CBLN3: variants seen among roughly 807,000 people sequenced by gnomAD.
CBLN3 encodes cerebellin-3.
CBLN3 carries 14 observed loss-of-function variants against 17.4 expected under a neutral mutation model. The observed-to-expected ratio is 0.81, with a 90% CI of 0.53 to 1.26. The LOEUF (loss-of-function observed/expected upper bound fraction) is 1.26. CBLN3 is among the 50% of genes most tolerant of loss of function. The pLI is 0.00. For missense variants in CBLN3, 263 were observed against 268.5 expected (o/e 0.98, Z 0.14); for synonymous variants, 129 against 117.4 (o/e 1.10, Z -0.64).
Position 24,428,868 on chromosome 14 carries a change from C to T in CBLN3, c.187G>A (p.Ala63Thr). The T allele has an allele frequency of 6.2e-7, 1 of 1,608,258 alleles. No individual in the cohort carries two copies. The highest frequency in any genetic ancestry group is 8.5e-7 in the Non-Finnish European group (1 of 1,177,504). The part of the protein sequence containing the change: ...RAAAGGPGGA[A>T]LGEAPPGRVA... ...CGCCCAGGGGGTGCCTCTCCCAGGG[C>T]TGCTCCCCCGGGCCCCCCTGCAGCA... Residue 63 changes from alanine (A) to threonine (T), a missense_variant, in exon 1 of 3, where the codon GCC becomes ACC. Transcript: ENST00000267406.
chr14:24,429,545 G>A lies in CBLN3; in HGVS notation c.-491C>T, dbSNP rs2273629. On this transcript the variant is annotated 5_prime_UTR_variant, in exon 1 of 3. The change creates a new upstream start codon in the 5' untranslated region. Transcript: ENST00000267406. ...CAGCCCTTCTTCGTGGCATCTTTCC[G>A]TTTGTTGGAAGAAAGGGGTACTCCA... is the stretch of plus-strand genomic sequence containing the variant. The A allele has an allele frequency of 0.71, 327,637 of 458,978 alleles. 117,892 individuals carry two copies. The highest frequency in any genetic ancestry group is 0.78 in the Admixed American group (28,191 of 36,090). 28.4% of individuals were successfully genotyped at this position (458,978 alleles called of 1,614,324 possible).
Position 24,429,194 on chromosome 14 carries a change from TC to T in CBLN3, c.-141del. On this transcript the variant is annotated 5_prime_UTR_variant, in exon 1 of 3. The change creates a premature stop within an existing upstream ORF in the 5' untranslated region. Coordinates refer to ENST00000267406, the MANE Select transcript of CBLN3 (RefSeq NM_001039771.3). ...GCTGAACCCCCTCTCCATACCTGTGTCCCAGCTCTGTCCTGCCTCCCACTCT... is the reference window on the plus strand; with the variant it reads ...GCTGAACCCCCTCTCCATACCTGTGTCCAGCTCTGTCCTGCCTCCCACTCT... 1 of 859,196 alleles carries T rather than the reference TC, an allele frequency of 1.2e-6. No homozygotes were observed. Among genetic ancestry groups the T allele is most frequent in the Non-Finnish European group, 1.8e-6 (1 of 562,580 alleles). The allele number at this position is 859,196 out of a possible 1,614,324, so 53.2% of individuals were successfully genotyped here. A position where few individuals can be genotyped will look rare whatever the true frequency, so the allele number is the denominator to read the frequency against.
rs762502274 is a variant in CBLN3, at chr14:24,429,014, T to G, written c.41A>C (p.His14Pro). 2.3e-5 allele frequency: 36 copies of G among 1,535,446 alleles called. No individual in the cohort carries two copies. The highest frequency in any genetic ancestry group is 3.0e-5 in the Non-Finnish European group (34 of 1,137,398). The change falls in exon 1 of 3, where the codon CAC becomes CCC. Residue 14 changes from histidine to proline, a missense_variant. His to Pro is a moderately conservative substitution (Grantham distance 77). Transcript: ENST00000267406. Reference protein sequence around the residue: ...AKPHWLPGPLHSPGLPLVLVL... With the variant: ...AKPHWLPGPLPSPGLPLVLVL... ...CAGAACCAAGGGCAGCCCGGGACTG[T>G]GTAGGGGACCTGGTAGCCAGTGTGG...
intron 2 of CBLN3, 51 bp from the exon 3 acceptor site, chr14:24,428,037 C>G (rs965221257): frequency 6.5e-7 from 1 of 1,549,548 alleles, no homozygotes; most frequent in South Asian, 1.1e-5. Context: ...TAGCTCAGGA[C>G]CCCCCACTTT....
Position 24,429,571 on chromosome 14 carries a change from C to A in CBLN3, c.-517G>T, listed in dbSNP as rs1210440967. ...TTTGTTGGAAGAAAGGGGTACTCCA[C>A]CACGGGTACCCTCCGCCTCCCGCCT... On this transcript the variant is annotated 5_prime_UTR_variant, in exon 1 of 3. Coordinates refer to ENST00000267406, the MANE Select transcript of CBLN3 (RefSeq NM_001039771.3). The A allele has an allele frequency of 5.5e-6, 3 of 547,596 alleles. No homozygotes were observed. The highest frequency in any genetic ancestry group is 3.3e-5 in the Admixed American group (1 of 30,154). The allele number at this position is 547,596 out of a possible 1,614,324, so 33.9% of individuals were successfully genotyped here.
chr14:24,429,569 C>T lies in CBLN3; in HGVS notation c.-515G>A, dbSNP rs2043066226. The T allele has an allele frequency of 1.9e-6, 1 of 534,254 alleles. No homozygotes were observed. Among genetic ancestry groups the T allele is most frequent in the Non-Finnish European group, 3.0e-6 (1 of 334,578 alleles). 33.1% of individuals were successfully genotyped at this position (534,254 alleles called of 1,614,324 possible). Reference sequence around the variant, plus strand: ...CGTTTGTTGGAAGAAAGGGGTACTCCACCACGGGTACCCTCCGCCTCCCGC... The same window carrying T: ...CGTTTGTTGGAAGAAAGGGGTACTCTACCACGGGTACCCTCCGCCTCCCGC... On this transcript the variant is annotated 5_prime_UTR_variant, in exon 1 of 3. Coordinates refer to ENST00000267406, the MANE Select transcript of CBLN3 (RefSeq NM_001039771.3).
chr14:24,428,145 T>C, intron 2 of CBLN3, 141 bp downstream of exon 2: 1 of 1,354,652 alleles, frequency 7.4e-7, no homozygotes, highest in Non-Finnish European at 1.0e-6. Context: ...CCACACTCAA[T>C]GCAAGGCAGG....
Position 24,427,656 on chromosome 14 carries a change from C to T in CBLN3, c.*133G>A. 1.2e-6 allele frequency: 1 copy of T among 841,220 alleles called. No individual in the cohort carries two copies. The highest frequency in any genetic ancestry group is 1.6e-5 in the South Asian group (1 of 63,440). The allele number at this position is 841,220 out of a possible 1,614,324, so 52.1% of individuals were successfully genotyped here. The stretch of plus-strand genomic sequence containing the variant: ...TCTTCTCTTAAACTTGGGTGTTTGG[C>T]ACAGGGTCCCATGCAAAGAGGTGGG... On this transcript the variant is annotated 3_prime_UTR_variant, in exon 3 of 3. Transcript: ENST00000267406. The surrounding 1 kb of genome is among the most constrained non-coding windows in gnomAD (Gnocchi z 4.4).
rs779513102 is a variant in CBLN3 at position 24,427,760 on chromosome 14, G to T, written c.*29C>A. Reference sequence around the variant, plus strand: ...GGGCAGAAGAAAGTTGTCAGGGGCTGGATTCTTGTGCTTGAAAGACTTGGG... The same window carrying T: ...GGGCAGAAGAAAGTTGTCAGGGGCTTGATTCTTGTGCTTGAAAGACTTGGG... On this transcript the variant is annotated 3_prime_UTR_variant, in exon 3 of 3. Coordinates refer to ENST00000267406, the MANE Select transcript of CBLN3 (RefSeq NM_001039771.3). This position sits in a 1 kb window ranked among gnomAD's most constrained non-coding sequence, Gnocchi z 4.4. 2.9e-5 allele frequency: 46 copies of T among 1,608,558 alleles called. No homozygotes were observed. Among genetic ancestry groups the T allele is most frequent in the Non-Finnish European group, 3.7e-5 (44 of 1,175,338 alleles).
intron 2 of CBLN3, 34 bp from the exon 3 acceptor site, chr14:24,428,020 C>A (rs1202686166): frequency 5.6e-6 from 9 of 1,595,552 alleles, no homozygotes; most frequent in Non-Finnish European, 7.7e-6. Context: ...CCCCATTCCC[C>A]AGCCCTTAGC....
Position 24,427,473 on chromosome 14 carries a change from C to A in CBLN3, c.*316G>T. ...GAGCAGGAAGCTGGGGTGGGGGAAC[C>A]GGAGGAGCAGAGGCCGCAAAGTAGT... On this transcript the variant is annotated 3_prime_UTR_variant, in exon 3 of 3. Transcript: ENST00000267406. This position sits in a 1 kb window ranked among gnomAD's most constrained non-coding sequence, Gnocchi z 4.4. The A allele has an allele frequency of 3.1e-6, 1 of 322,910 alleles. No individual in the cohort carries two copies. 20.0% of individuals were successfully genotyped at this position (322,910 alleles called of 1,614,324 possible). A position where few individuals can be genotyped will look rare whatever the true frequency, so the allele number is the denominator to read the frequency against.
Position 24,429,421 on chromosome 14 carries a change from A to T in CBLN3, c.-367T>A, listed in dbSNP as rs928014056. On this transcript the variant is annotated 5_prime_UTR_variant, in exon 1 of 3. Coordinates refer to ENST00000267406, the MANE Select transcript of CBLN3 (RefSeq NM_001039771.3). ...ATGGAGAACATGGTATGTGTGTGTG[A>T]CGGGTGTGACAGAATGTGTGAGTGT... The T allele has an allele frequency of 1.7e-5, 9 of 539,946 alleles. No individual in the cohort carries two copies. Among genetic ancestry groups the T allele is most frequent in the African/African-American group, 1.3e-4 (7 of 53,160 alleles). The allele number at this position is 539,946 out of a possible 1,614,324, so 33.4% of individuals were successfully genotyped here. A position where few individuals can be genotyped will look rare whatever the true frequency, so the allele number is the denominator to read the frequency against.
At position 24,428,970 on chromosome 14, in the gene CBLN3, C is replaced by T; in HGVS notation, c.85G>A (p.Ala29Thr). ...PLVLVLLALG[A>T]GWAQEGSEPV... is the part of the protein sequence containing the mutation. ...TCTGACCCCTCCTGGGCCCACCCGG[C>T]CCCCAGGGCCAGAAGCACCAGAACC... The change falls in exon 1 of 3, where the codon GCC (alanine) becomes ACC (threonine). Residue 29 changes from alanine to threonine, a missense_variant. Physicochemically the swap from Ala to Thr is moderately conservative, Grantham distance 58 (BLOSUM62 0). Coordinates refer to ENST00000267406, the MANE Select transcript of CBLN3 (RefSeq NM_001039771.3). The T allele has an allele frequency of 6.4e-7, 1 of 1,551,010 alleles. No homozygotes were observed. The highest frequency in any genetic ancestry group is 8.7e-7 in the Non-Finnish European group (1 of 1,146,852).
Position 24,429,122 on chromosome 14 carries a change from C to T in CBLN3, c.-68G>A. On this transcript the variant is annotated 5_prime_UTR_variant, in exon 1 of 3. Transcript: ENST00000267406. ...CCCTCTTCTGTTTCCGCTCCTCTCCCTGGATTCTCACCGCCGGCACCCTGA... is the reference window on the plus strand; with the variant it reads ...CCCTCTTCTGTTTCCGCTCCTCTCCTTGGATTCTCACCGCCGGCACCCTGA... The T allele has an allele frequency of 6.9e-7, 1 of 1,440,162 alleles. No individual in the cohort carries two copies. The highest frequency in any genetic ancestry group is 1.4e-5 in the South Asian group (1 of 69,566). 89.2% of individuals were successfully genotyped at this position (1,440,162 alleles called of 1,614,324 possible).
chr14:24,429,018 G>C lies in CBLN3; in HGVS notation c.37C>G (p.Leu13Val). 1 of 1,533,154 alleles carries C rather than the reference G, an allele frequency of 6.5e-7. No homozygotes were observed. Among genetic ancestry groups the C allele is most frequent in the South Asian group, 1.2e-5 (1 of 83,234 alleles). The allele number at this position is 1,533,154 out of a possible 1,614,324, so 95.0% of individuals were successfully genotyped here. Residue 13 changes from leucine to valine, a missense_variant, in exon 1 of 3, where the codon CTA (leucine) becomes GTA (valine). By Grantham distance (32) the Leu-to-Val change is conservative. Transcript: ENST00000267406. Reference protein sequence around the residue: ...GAKPHWLPGPLHSPGLPLVLV... With the variant: ...GAKPHWLPGPVHSPGLPLVLV... ...ACCAAGGGCAGCCCGGGACTGTGTA[G>C]GGGACCTGGTAGCCAGTGTGGCTTG...
chr14:24,428,884 C>A lies in CBLN3; in HGVS notation c.171G>T (p.Gly57=). The A allele has an allele frequency of 6.3e-7, 1 of 1,599,102 alleles. No homozygotes were observed. The highest frequency in any genetic ancestry group is 8.5e-7 in the Non-Finnish European group (1 of 1,173,078). Residue 57 remains glycine, a synonymous_variant, in exon 1 of 3, where the codon GGG becomes GGT. Transcript: ENST00000267406. ...CTCCCAGGGCTGCTCCCCCGGGCCC[C>A]CCTGCAGCAGCTCGGCCAGGCTCAC... ...VVCEPGRAAA[G]GPGGAALGEA... is the part of the protein sequence containing the mutation.
At chr14:24,428,641 G>A in intron 1 of CBLN3, 114 bp downstream of exon 1, 1 of 1,279,800 alleles carries the variant, frequency 7.8e-7, no homozygotes, top group South Asian at 1.4e-5. Context: ...ATTAGTGAAA[G>A]ATGTAGGAAG....
chr14:24,428,114 G>T, intron 2 of CBLN3, 128 bp from the exon 3 acceptor site: 1 of 1,315,174 alleles, frequency 7.6e-7, no homozygotes, highest in Non-Finnish European at 1.1e-6. Flanking sequence ...GGGGCGGCCA[G>T]CATTGGACTC....
Position 24,427,716 on chromosome 14 carries a change from C to T in CBLN3, c.*73G>A. ...AGAGGGAGTCTCTCTCCTGCCTCTG[C>T]TGTTTCTGGGGCAAGAGAGGGCAGA... On this transcript the variant is annotated 3_prime_UTR_variant, in exon 3 of 3. Coordinates refer to ENST00000267406, the MANE Select transcript of CBLN3 (RefSeq NM_001039771.3). This position sits in a 1 kb window ranked among gnomAD's most constrained non-coding sequence, Gnocchi z 4.4. 2.1e-6 allele frequency: 3 copies of T among 1,400,510 alleles called. No individual in the cohort carries two copies. In the East Asian group the frequency reaches 6.8e-5, roughly 32 times the overall value. The allele number at this position is 1,400,510 out of a possible 1,614,324, so 86.8% of individuals were successfully genotyped here.
Sources: allele counts gnomAD v4.1 joint callset, GRCh38; gene constraint gnomAD v4.1.1; non-coding constraint Gnocchi (gnomAD v3.1); transcripts MANE v1.5; gene names NCBI Gene and HGNC (gene_info 2026-07-23, HGNC 2026-07-21).